Variants in ATP13A4 observed in about 807,000 individuals in gnomAD.
ATP13A4 encodes the protein probable cation-transporting ATPase 13A4.
In ATP13A4, 114 loss-of-function variants were observed where a neutral mutation model predicts 142.5. The observed-to-expected ratio is 0.80, with a 90% confidence interval of 0.69 to 0.93. The LOEUF is 0.93. Ranked by LOEUF, ATP13A4 falls within the 40% of genes least tolerant of loss-of-function variation. The pLI, the probability that ATP13A4 is intolerant of heterozygous loss-of-function variation, is 0.00. For missense variants in ATP13A4, 1,392 were observed against 1,454.0 expected (o/e 0.96, Z 0.69); for synonymous variants, 488 against 514.8 (o/e 0.95, Z 0.70).
At chr3:193,590,580 C>T (rs564732733) in intron 1 of ATP13A4, among the ~76,000 whole-genome samples, 2 of 152,082 alleles carry the variant, frequency 1.3e-5, no homozygotes, top group Non-Finnish European at 2.9e-5. Context: ...GTTTTTGGTT[C>T]CTGAGCAACG....
intron 1 of ATP13A4, among the ~76,000 whole-genome samples, chr3:193,518,863 G>A (rs1721566188): frequency 6.6e-6 from 1 of 152,160 alleles, no homozygotes; most frequent in African/African-American, 2.4e-5. Context: ...TCTCATGCCA[G>A]ACCTGCTCAT....
At chr3:193,501,698 A>G (rs2108675741) in intron 3 of ATP13A4, among the ~76,000 whole-genome samples, 1 of 152,288 alleles carries the variant, frequency 6.6e-6, no homozygotes, top group East Asian at 1.9e-4. Flanking sequence ...AAACTAATTT[A>G]AACAGCTGAC....
chr3:193,447,079 C>A (rs76598174), intron 18 of ATP13A4, among the ~76,000 whole-genome samples: 2,032 of 151,914 alleles, frequency 0.013, 42 homozygotes, highest in African/African-American at 0.039. Context: ...GAAAGAAATA[C>A]GGCAGAAATT....
chr3:193,506,841 T>C (rs534793895), intron 2 of ATP13A4, among the ~76,000 whole-genome samples: 1 of 152,300 alleles, frequency 6.6e-6, no homozygotes, highest in South Asian at 2.1e-4. Context: ...TCCACCATGA[T>C]TGTAAGTTTC....
intron 13 of ATP13A4, among the ~76,000 whole-genome samples, chr3:193,460,034 A>G (rs181006109): frequency 6.6e-6 from 1 of 152,124 alleles, no homozygotes; most frequent in Non-Finnish European, 1.5e-5. Context: ...CCCTATTAGG[A>G]GGACGTTTGA....
At chr3:193,412,029 G>A (rs975397560) in intron 27 of ATP13A4, 149 bp downstream of exon 27, 1 of 700,296 alleles carries the variant, frequency 1.4e-6, no homozygotes, top group Admixed American at 2.3e-5. Flanking sequence ...TGAAAATGAG[G>A]CTGTACGATG....
At chr3:193,543,084 C>T (rs1426689343) in intron 1 of ATP13A4, among the ~76,000 whole-genome samples, 7 of 151,152 alleles carry the variant, frequency 4.6e-5, no homozygotes, top group Non-Finnish European at 8.8e-5. Flanking sequence ...AGGAGAATGG[C>T]GTGAACCCAG....
chr3:193,523,300 G>A (rs898462783), intron 1 of ATP13A4, among the ~76,000 whole-genome samples: 7 of 148,596 alleles, frequency 4.7e-5, no homozygotes, highest in East Asian at 2.0e-4. Context: ...GTGAAACTCC[G>A]TCTCAAAAAA....
At chr3:193,491,116 A>G (rs1317960114) in intron 6 of ATP13A4, among the ~76,000 whole-genome samples, 2 of 152,244 alleles carry the variant, frequency 1.3e-5, no homozygotes, top group Non-Finnish European at 2.9e-5. Flanking sequence ...AAGTACAATG[A>G]GTTTCACACC....
chr3:193,513,135 A>G (rs1277943911), intron 2 of ATP13A4, among the ~76,000 whole-genome samples: 1 of 152,242 alleles, frequency 6.6e-6, no homozygotes, highest in African/African-American at 2.4e-5. Flanking sequence ...TAGAACAAGT[A>G]TTTCTTGAAG....
intron 3 of ATP13A4, among the ~76,000 whole-genome samples, chr3:193,501,353 T>C (rs1488648469): frequency 6.6e-6 from 1 of 152,222 alleles, no homozygotes; most frequent in East Asian, 1.9e-4. Flanking sequence ...TTTGGGAGGC[T>C]GAGGTTGGTG....
At chr3:193,545,262 G>A (rs889052329) in intron 1 of ATP13A4, among the ~76,000 whole-genome samples, 6 of 152,150 alleles carry the variant, frequency 3.9e-5, no homozygotes, top group South Asian at 4.1e-4. Context: ...CCCCCAAGAA[G>A]GCAACAGATT....
chr3:193,536,945 G>A (rs1210339590), intron 1 of ATP13A4, among the ~76,000 whole-genome samples: 4 of 151,982 alleles, frequency 2.6e-5, no homozygotes, highest in Admixed American at 6.5e-5. Flanking sequence ...AGGCTTATGA[G>A]AAAAATGAAG....
At chr3:193,505,989 T>C (rs1033722824) in intron 2 of ATP13A4, among the ~76,000 whole-genome samples, 2 of 152,216 alleles carry the variant, frequency 1.3e-5, no homozygotes, top group Middle Eastern at 3.2e-3. Context: ...GTATACATAA[T>C]GTGTCTGATC....
intron 7 of ATP13A4, among the ~76,000 whole-genome samples, chr3:193,487,329 C>G (rs1346764927): frequency 6.6e-6 from 1 of 152,012 alleles, no homozygotes; most frequent in Non-Finnish European, 1.5e-5. Flanking sequence ...CAAACAGTTC[C>G]CAGTCAAAGA....
chr3:193,522,985 A>G, intron 1 of ATP13A4, among the ~76,000 whole-genome samples: 1 of 152,218 alleles, frequency 6.6e-6, no homozygotes, highest in South Asian at 2.1e-4. Context: ...TCTGAATAAC[A>G]GGAGTGTATT....
At chr3:193,518,302 A>T (rs930115807) in intron 1 of ATP13A4, among the ~76,000 whole-genome samples, 1 of 152,268 alleles carries the variant, frequency 6.6e-6, no homozygotes, top group Non-Finnish European at 1.5e-5. Context: ...AGCAACACAC[A>T]TCAATATGGA....
intron 2 of ATP13A4, among the ~76,000 whole-genome samples, chr3:193,567,181 T>C (rs1348231844): frequency 5.3e-5 from 8 of 152,130 alleles, no homozygotes. Flanking sequence ...GATAATTAAA[T>C]ATTAAATGAA....
intron 28 of ATP13A4, 33 bp downstream of exon 28, chr3:193,410,948 TA>T: frequency 7.6e-7 from 1 of 1,321,066 alleles, no homozygotes; most frequent in Non-Finnish European, 1.1e-6. Context: ...TACATAACTG[TA>T]AAGCATCATC....
Sources: allele counts gnomAD v4.1 joint callset (sites outside exome capture counted in the v4.1 genomes callset), GRCh38; gene constraint gnomAD v4.1.1; transcripts MANE v1.5; gene names NCBI Gene and HGNC (gene_info 2026-07-23, HGNC 2026-07-21).